Variants in SHC3 observed in about 807,000 individuals in gnomAD.
SHC3 encodes SHC adaptor protein 3.
In SHC3, 15 loss-of-function variants were observed where a neutral mutation model predicts 60.4. The ratio of observed to expected loss-of-function variants is 0.25; its 90% CI spans 0.17 to 0.38. The LOEUF is 0.38. Among genes scored for constraint, SHC3 ranks in the 10% least tolerant of loss-of-function variants. The probability of loss-of-function intolerance (pLI) is 1.00; values close to 1 mark genes in which losing one functional copy is unlikely to be tolerated. For synonymous variants in SHC3, 294 were observed against 325.9 expected, an observed-to-expected ratio of 0.90 and a Z score of 1.05; for missense variants, 677 against 786.1, an observed-to-expected ratio of 0.86 and a Z score of 1.66.
chr9:89,107,621 G>T (rs569694559), intron 2 of SHC3, among the ~76,000 whole-genome samples: 1 of 152,344 alleles, frequency 6.6e-6, no homozygotes, highest in African/African-American at 2.4e-5. Context: ...GCTGAGAGAG[G>T]CTTGGCCATG....
Position 89,013,500 on chromosome 9 carries a change from C to T in SHC3, c.1732G>A (p.Val578Ile). Residue 578 changes from valine (V) to isoleucine (I), a missense_variant, in exon 12 of 12, where the codon GTC becomes ATC. Val to Ile is a conservative substitution (Grantham distance 29). Transcript: ENST00000375835. ...AGACACAGCTCACTCCCTGCAGAGA[C>T]AATGGGCAGGCTGCTTTCTAGGTGG... ...NHHLESSLPI[V>I]SAGSELCLQQ... 1 of 1,614,016 alleles carries T rather than the reference C, an allele frequency of 6.2e-7. No homozygotes were observed. The highest frequency in any genetic ancestry group is 8.5e-7 in the Non-Finnish European group (1 of 1,179,952).
chr9:89,026,116 G>A (rs755840678), intron 11 of SHC3, among the ~76,000 whole-genome samples: 8 of 152,036 alleles, frequency 5.3e-5, no homozygotes, highest in Non-Finnish European at 1.2e-4. Flanking sequence ...TTAGCTGGGC[G>A]TGGTGGTGCA....
rs557206911 is a variant in SHC3 at position 89,010,073 on chromosome 9, T to C, written c.*3374A>G. ...TGTCATTTCCCGTCTTTATTAGAAA[T>C]TACCCACAACTTCCTCCACCTCCAG... is the stretch of plus-strand genomic sequence containing the variant. On this transcript the variant is annotated 3_prime_UTR_variant, in exon 12 of 12. Coordinates refer to ENST00000375835, the MANE Select transcript of SHC3 (RefSeq NM_016848.6). The C allele has an allele frequency of 1.2e-4, 19 of 152,312 alleles. No individual in the cohort carries two copies. Among genetic ancestry groups the C allele is most frequent in the African/African-American group, 3.9e-4 (16 of 41,552 alleles). The allele number at this position is 152,312 out of a possible 1,614,324, so 9.4% of individuals were successfully genotyped here.
chr9:89,020,836 G>A (rs774479114), intron 11 of SHC3, among the ~76,000 whole-genome samples: 1 of 152,208 alleles, frequency 6.6e-6, no homozygotes, highest in Non-Finnish European at 1.5e-5. Flanking sequence ...TGTTTGCAGG[G>A]TTGTGTGTCT....
At chr9:89,156,997 G>T (rs530860115) in intron 1 of SHC3, among the ~76,000 whole-genome samples, 27 of 152,150 alleles carry the variant, frequency 1.8e-4, no homozygotes, top group African/African-American at 6.0e-4. Flanking sequence ...TATAACTTAT[G>T]CCTCCCTGCC....
intron 1 of SHC3, among the ~76,000 whole-genome samples, chr9:89,152,343 T>C (rs376235512): frequency 9.9e-5 from 15 of 152,252 alleles, no homozygotes; most frequent in African/African-American, 2.9e-4. Flanking sequence ...CTGTAAAAAA[T>C]AGAGGTCAAA....
chr9:89,071,802 C>T (rs2117996205), intron 4 of SHC3, among the ~76,000 whole-genome samples: 1 of 152,316 alleles, frequency 6.6e-6, no homozygotes, highest in African/African-American at 2.4e-5. Flanking sequence ...GAGGACTTCA[C>T]CAGCTTGAAA....
intron 10 of SHC3, among the ~76,000 whole-genome samples, chr9:89,038,854 A>G (rs1457198298): frequency 6.6e-6 from 1 of 152,190 alleles, no homozygotes; most frequent in Non-Finnish European, 1.5e-5. Context: ...CCAGGCTAGG[A>G]GCTCCACCTT....
Position 89,178,528 on chromosome 9 carries a change from C to T in SHC3, c.-68G>A. On this transcript the variant is annotated 5_prime_UTR_variant, in exon 1 of 12. The change abolishes an upstream ATG in the 5' untranslated region. Transcript: ENST00000375835. This position sits in a 1 kb window ranked among gnomAD's most constrained non-coding sequence, Gnocchi z 6.9. ...GCCGGCCCCGGCGCGGGCTGCCGCG[C>T]ATAGCAGGCGAGCCACTGTCCCCGG... The T allele has an allele frequency of 7.4e-7, 1 of 1,359,522 alleles. No homozygotes were observed. Among genetic ancestry groups the T allele is most frequent in the Non-Finnish European group, 9.6e-7 (1 of 1,042,544 alleles). The allele number at this position is 1,359,522 out of a possible 1,614,324, so 84.2% of individuals were successfully genotyped here. A position where few individuals can be genotyped will look rare whatever the true frequency, so the allele number is the denominator to read the frequency against.
intron 10 of SHC3, among the ~76,000 whole-genome samples, chr9:89,041,401 A>G (rs1824684536): frequency 6.6e-6 from 1 of 152,252 alleles, no homozygotes; most frequent in African/African-American, 2.4e-5. Context: ...TCCACGAGGT[A>G]GAGACTTTGC....
At chr9:89,035,861 G>A (rs879407196) in intron 11 of SHC3, among the ~76,000 whole-genome samples, 36,279 of 99,872 alleles carry the variant, frequency 0.36, 7,492 homozygotes, top group East Asian at 0.94. Context: ...ATGTGTGTGT[G>A]TGTGTGTGTG....
intron 1 of SHC3, among the ~76,000 whole-genome samples, chr9:89,126,184 G>A (rs1366442816): frequency 6.6e-6 from 1 of 152,140 alleles, no homozygotes; most frequent in Non-Finnish European, 1.5e-5. Context: ...CTTGGGTAAA[G>A]GATGAGATAG....
At chr9:89,133,712 G>A (rs984375976) in intron 1 of SHC3, among the ~76,000 whole-genome samples, 2 of 152,196 alleles carry the variant, frequency 1.3e-5, no homozygotes, top group African/African-American at 2.4e-5. Flanking sequence ...ATTGAACAAT[G>A]AGAACACTTG....
At chr9:89,130,874 A>T (rs377431071) in intron 1 of SHC3, among the ~76,000 whole-genome samples, 1 of 152,182 alleles carries the variant, frequency 6.6e-6, no homozygotes. Flanking sequence ...AAACACATTC[A>T]AAAGCTAGCA....
chr9:89,041,985 ACCT>A (rs760181013), intron 10 of SHC3, 38 bp downstream of exon 10: 2 of 1,611,452 alleles, frequency 1.2e-6, no homozygotes, highest in Non-Finnish European at 1.7e-6. Context: ...ATAAAAAGCA[ACCT>A]CAAAAGAAAA....
At chr9:89,118,248 C>CA (rs529110410) in intron 1 of SHC3, among the ~76,000 whole-genome samples, 3 of 139,674 alleles carry the variant, frequency 2.1e-5, no homozygotes, top group Non-Finnish European at 4.6e-5. Context: ...CTAACAGAGA[C>CA]AAAATCTATT....
intron 1 of SHC3, among the ~76,000 whole-genome samples, chr9:89,161,872 C>T (rs2118243555): frequency 1.8e-5 from 2 of 112,480 alleles, no homozygotes; most frequent in East Asian, 2.3e-4. Flanking sequence ...TCTCCTTAAG[C>T]TGATAAGCAA....
At chr9:89,132,047 C>T (rs948070616) in intron 1 of SHC3, among the ~76,000 whole-genome samples, 2 of 152,176 alleles carry the variant, frequency 1.3e-5, no homozygotes, top group African/African-American at 2.4e-5. Context: ...AGCTGATAAG[C>T]AACTTCAGCA....
intron 1 of SHC3, among the ~76,000 whole-genome samples, chr9:89,144,724 C>T (rs910680864): frequency 6.6e-6 from 1 of 151,712 alleles, no homozygotes; most frequent in Non-Finnish European, 1.5e-5. Flanking sequence ...TACAAGTATG[C>T]TTTCTGTAGT....
Sources: gnomAD v4.1 joint callset for allele counts (sites outside exome capture counted in the v4.1 genomes callset) on GRCh38, gnomAD v4.1.1 for gene constraint, Gnocchi (gnomAD v3.1) non-coding constraint, MANE v1.5 for transcripts, NCBI Gene and HGNC (gene_info 2026-07-23, HGNC 2026-07-21) for gene names.